COL20A1: variants seen among roughly 807,000 people sequenced by gnomAD.
COL20A1 encodes collagen alpha-1(XX) chain.
In COL20A1, 164 loss-of-function variants were observed where a neutral mutation model predicts 152.9. The ratio of observed to expected loss-of-function variants is 1.07; its 90% confidence interval spans 0.94 to 1.22. COL20A1 has a LOEUF of 1.22. Among genes scored for constraint, COL20A1 ranks in the 50% most tolerant of loss-of-function variants. COL20A1 has a pLI of 0.00. For synonymous variants in COL20A1, 864 were observed against 756.0 expected (o/e 1.14, Z -2.34); for missense variants, 1,873 against 1,744.8 (o/e 1.07, Z -1.31).
At position 63,320,886 on chromosome 20, in the gene COL20A1, C is replaced by T. The variant is rs547169958; in HGVS notation, c.3154-127C>T. 8 of 701,174 alleles carry T rather than the reference C, an allele frequency of 1.1e-5. No homozygotes were observed. In the African/African-American group the frequency reaches 1.3e-4, roughly 11 times the overall value. 43.4% of individuals were successfully genotyped at this position (701,174 alleles called of 1,614,324 possible). On this transcript the variant is annotated intron_variant, in intron 25 of 35. Coordinates refer to ENST00000358894, the MANE Select transcript of COL20A1 (RefSeq NM_020882.4). ...TGCACTTGGGCCCCTGACCTTCGCC[C>T]CTGCCTCCCAGGTGCGGGTCTGGAA...
rs750267295 is a variant in COL20A1, at chr20:63,308,018, TC to T, written c.706del (p.Leu236SerfsTer27). The stretch of plus-strand genomic sequence containing the variant: ...TGCTCAGACTGAGTGGGACCTGAAC[TC>T]CCTCAGCACCAAGGAACAGGTGCTG... ...GDAQTEWDLN[S>X]LSTKEQVLAA... On this transcript the variant is annotated frameshift_variant, in exon 7 of 36. Coordinates refer to ENST00000358894, the MANE Select transcript of COL20A1 (RefSeq NM_020882.4). LOFTEE classifies it high-confidence loss of function. 2.5e-6 allele frequency: 4 copies of T among 1,612,452 alleles called. No homozygotes were observed. In the Admixed American group the frequency reaches 6.7e-5, roughly 27 times the overall value.
intron 27 of COL20A1, among the ~76,000 whole-genome samples, chr20:63,322,417 G>T (rs977651842): frequency 2.0e-5 from 3 of 152,228 alleles, no homozygotes; most frequent in Non-Finnish European, 4.4e-5. Flanking sequence ...GCTTGGGGAG[G>T]TGAGGCCACC....
chr20:63,330,155 C>T (rs1427795537), intron 35 of COL20A1, among the ~76,000 whole-genome samples: 1 of 152,108 alleles, frequency 6.6e-6, no homozygotes, highest in African/African-American at 2.4e-5. Flanking sequence ...CCTCTGCCTT[C>T]CTCAGGAAGC....
rs1384962404 is a variant in COL20A1 at position 63,316,567 on chromosome 20, G to A, written c.2539G>A (p.Val847Met). 1.9e-6 allele frequency: 3 copies of A among 1,590,620 alleles called. No individual in the cohort carries two copies. The highest frequency in any genetic ancestry group is 1.7e-6 in the Non-Finnish European group (2 of 1,168,860). Residue 847 changes from valine (V) to methionine (M), a missense_variant, in exon 21 of 36, where the codon GTG (valine) becomes ATG (methionine). Val to Met is a conservative substitution (Grantham distance 21). Transcript: ENST00000358894. ...DGSLPGFDLM[V>M]AFSLVEKAYA... ...ATCTTCCCCAGGGTTTGACCTGATGGTGGCCTTCAGCCTGGTGGAAAAGGC... is the reference window on the plus strand; with the variant it reads ...ATCTTCCCCAGGGTTTGACCTGATGATGGCCTTCAGCCTGGTGGAAAAGGC...
At position 63,328,518 on chromosome 20, in the gene COL20A1, T is replaced by G; in HGVS notation, c.3781+20T>G. On this transcript the variant is annotated intron_variant, in intron 34 of 35. Transcript: ENST00000358894. ...GCAGAGGTACTGGGCTCCTGGCTCT[T>G]GGGGAGGGAGTTGTGGCCGGTGGGG... 1 of 1,595,348 alleles carries G rather than the reference T, an allele frequency of 6.3e-7. No individual in the cohort carries two copies. The highest frequency in any genetic ancestry group is 8.5e-7 in the Non-Finnish European group (1 of 1,169,874).
At chr20:63,324,319 T>C (rs1315376026) in intron 27 of COL20A1, 1 of 152,226 alleles carries the variant, frequency 6.6e-6, no homozygotes, top group Non-Finnish European at 1.5e-5. Flanking sequence ...TTCTTTTTCT[T>C]GTCTAATGGT....
chr20:63,295,580 G>C (rs527448950), intron 2 of COL20A1, among the ~76,000 whole-genome samples: 1 of 152,160 alleles, frequency 6.6e-6, no homozygotes, highest in African/African-American at 2.4e-5. Context: ...GGCTTCTCTC[G>C]GTGCGGCACT....
chr20:63,314,013 C>A (rs2068052412), intron 18 of COL20A1, 59 bp from the exon 19 acceptor site: 2 of 1,608,850 alleles, frequency 1.2e-6, no homozygotes, highest in African/African-American at 2.7e-5. Context: ...GGCAGCTGAG[C>A]CGCGTGGACG....
chr20:63,301,889 T>G (rs561196125), intron 3 of COL20A1, among the ~76,000 whole-genome samples: 5 of 152,332 alleles, frequency 3.3e-5, no homozygotes, highest in African/African-American at 9.6e-5. Flanking sequence ...TCCATTTATA[T>G]TTAATGAAAT....
chr20:63,310,006 C>A (rs1011256129), intron 10 of COL20A1, 91 bp downstream of exon 10: 20 of 1,197,554 alleles, frequency 1.7e-5, no homozygotes, highest in Non-Finnish European at 2.1e-5. Context: ...TAAAGGCCCA[C>A]AAATAACTGG....
chr20:63,311,367 C>T lies in COL20A1; in HGVS notation c.1394-27C>T. The T allele has an allele frequency of 1.3e-6, 2 of 1,562,444 alleles. No individual in the cohort carries two copies. The highest frequency in any genetic ancestry group is 1.7e-6 in the Non-Finnish European group (2 of 1,156,186). On this transcript the variant is annotated intron_variant, in intron 11 of 35. Coordinates refer to ENST00000358894, the MANE Select transcript of COL20A1 (RefSeq NM_020882.4). The surrounding 1 kb of genome is among the most constrained non-coding windows in gnomAD (Gnocchi z 4.4). Reference sequence around the variant, plus strand: ...GTGTGATCTCTGTGTGGGCTCCTTCCTAAAGTGTCCCTGCATGGCCCCCCA... The same window carrying T: ...GTGTGATCTCTGTGTGGGCTCCTTCTTAAAGTGTCCCTGCATGGCCCCCCA...
chr20:63,308,177 C>A, intron 7 of COL20A1, 87 bp downstream of exon 7: 1 of 1,517,170 alleles, frequency 6.6e-7, no homozygotes, highest in Non-Finnish European at 9.0e-7. Context: ...GTGTGTAAAT[C>A]GAGCTCCAAG....
rs978223773 is a variant in COL20A1 at position 63,305,550 on chromosome 20, G to A, written c.327G>A (p.Arg109=). ...CTGGGCGCTTCCTGCTAGCTCGGAG[G>A]GAGTTTGTGAGTAAGTCCACCGTCT... ...TGSGRFLLAR[R]EFVIEDLKSS... is the part of the protein sequence containing the mutation. Residue 109 remains arginine (R), a synonymous_variant, in exon 4 of 36, where the codon AGG becomes AGA. Transcript: ENST00000358894. The surrounding 1 kb of genome is among the most constrained non-coding windows in gnomAD (Gnocchi z 4.9). 1.3e-6 allele frequency: 2 copies of A among 1,598,026 alleles called. No homozygotes were observed. Among genetic ancestry groups the A allele is most frequent in the African/African-American group, 1.3e-5 (1 of 74,146 alleles).
At chr20:63,325,307 T>C (rs1568788163) in intron 27 of COL20A1, 134 bp from the exon 28 acceptor site, 1 of 741,110 alleles carries the variant, frequency 1.3e-6, no homozygotes, top group Non-Finnish European at 2.5e-6. Context: ...GACCAGAAGG[T>C]CCTGGAGGCC....
rs2068007674 is a variant in COL20A1, at chr20:63,311,641, C to T, written c.1556C>T (p.Pro519Leu). The T allele has an allele frequency of 6.2e-7, 1 of 1,609,356 alleles. No individual in the cohort carries two copies. The highest frequency in any genetic ancestry group is 8.5e-7 in the Non-Finnish European group (1 of 1,179,530). The change falls in exon 13 of 36, where the codon CCC becomes CTC. Residue 519 changes from proline (P) to leucine (L), a missense_variant. By Grantham distance (98) the Pro-to-Leu change is moderately conservative (BLOSUM62 -3). Coordinates refer to ENST00000358894, the MANE Select transcript of COL20A1 (RefSeq NM_020882.4). The surrounding 1 kb of genome is among the most constrained non-coding windows in gnomAD (Gnocchi z 4.4). ...EEEREVQVGR[P>L]EVLLDGLEPG... ...TCTCTGCAGGTGCAGGTCGGGCGGC[C>T]CGAGGTGCTGCTGGATGGCCTGGAA...
rs2067923314 is a variant in COL20A1 at position 63,306,156 on chromosome 20, C to T, written c.496+117C>T. 6.5e-6 allele frequency: 6 copies of T among 924,858 alleles called. No homozygotes were observed. Among genetic ancestry groups the T allele is most frequent in the South Asian group, 3.5e-5 (2 of 57,482 alleles). 57.3% of individuals were successfully genotyped at this position (924,858 alleles called of 1,614,324 possible). A position where few individuals can be genotyped will look rare whatever the true frequency, so the allele number is the denominator to read the frequency against. The stretch of plus-strand genomic sequence containing the variant: ...CGTGTCTGACCACACGGTCTCTGAC[C>T]ACGAGGCCAGGAAGTTCTTCCTCGT... On this transcript the variant is annotated intron_variant, in intron 5 of 35. Coordinates refer to ENST00000358894, the MANE Select transcript of COL20A1 (RefSeq NM_020882.4). The surrounding 1 kb of genome is among the most constrained non-coding windows in gnomAD (Gnocchi z 6.9).
At position 63,306,039 on chromosome 20, in the gene COL20A1, G is replaced by A. The variant is rs1342187247; in HGVS notation, c.496G>A (p.Ala166Thr). ...FTPSQDPRTP[A>T]GPQFRCLPPV... ...ACCAAGCCAGGATCCGCGCACTCCT[G>A]GTGGGTCAGAGTGGAGAGAGAGTAA... is the stretch of plus-strand genomic sequence containing the variant. Residue 166 changes from alanine (A) to threonine (T), a missense_variant and splice_region_variant, in exon 5 of 36, where the codon GCC becomes ACC. By Grantham distance (58) the Ala-to-Thr change is moderately conservative (BLOSUM62 0). Coordinates refer to ENST00000358894, the MANE Select transcript of COL20A1 (RefSeq NM_020882.4). The surrounding 1 kb of genome is among the most constrained non-coding windows in gnomAD (Gnocchi z 6.9). The A allele has an allele frequency of 1.2e-6, 2 of 1,604,170 alleles. No homozygotes were observed. Among genetic ancestry groups the A allele is most frequent in the Non-Finnish European group, 1.7e-6 (2 of 1,176,114 alleles).
rs2068279482 is a variant in COL20A1 at position 63,328,126 on chromosome 20, CTG to C, written c.3613+2_3613+3del. On this transcript the variant is annotated splice_donor_variant and coding_sequence_variant, in exon 33 of 36. Coordinates refer to ENST00000358894, the MANE Select transcript of COL20A1 (RefSeq NM_020882.4). LOFTEE classifies it high-confidence loss of function. ...CCCTCTACCAGCTTGTGAGCCAGGC[CTG>C]TGAGTCTGCCATTCAGAGTGAGTGA... 1 of 1,612,996 alleles carries C rather than the reference CTG, an allele frequency of 6.2e-7. No individual in the cohort carries two copies.
chr20:63,298,186 G>C (rs548231581), intron 3 of COL20A1, among the ~76,000 whole-genome samples, 166 bp downstream of exon 3: 2 of 152,308 alleles, frequency 1.3e-5, no homozygotes, highest in East Asian at 3.9e-4. Context: ...CCTTTCCCCC[G>C]TCACATATGA....
Sources: allele counts gnomAD v4.1 joint callset (sites outside exome capture counted in the v4.1 genomes callset), GRCh38; gene constraint gnomAD v4.1.1; non-coding constraint Gnocchi (gnomAD v3.1); transcripts MANE v1.5; gene names NCBI Gene and HGNC (gene_info 2026-07-23, HGNC 2026-07-21).